DMXL2: variants seen among roughly 807,000 people sequenced by gnomAD.
The protein encoded by DMXL2 is dmX-like protein 2.
A neutral mutation model predicts 331.1 loss-of-function variants in DMXL2; 103 were observed. The observed-to-expected ratio is 0.31, with a 90% CI of 0.27 to 0.37. The LOEUF (loss-of-function observed/expected upper bound fraction) is 0.37. DMXL2 is among the 10% of genes least tolerant of loss of function. The pLI, the probability that DMXL2 is intolerant of heterozygous loss-of-function variation, is 1.00. For synonymous variants in DMXL2, 1,281 were observed against 1,252.1 expected (o/e 1.02, Z -0.49); for missense variants, 3,171 against 3,642.9 (o/e 0.87, Z 3.33).
chr15:51,485,436 T>C (rs1355314155), intron 23 of DMXL2, among the ~76,000 whole-genome samples: 1 of 152,198 alleles, frequency 6.6e-6, no homozygotes, highest in African/African-American at 2.4e-5. Flanking sequence ...GAGGCAGACA[T>C]AACATGTGTG....
At chr15:51,590,874 T>C (rs2052256138) in intron 1 of DMXL2, among the ~76,000 whole-genome samples, 1 of 151,920 alleles carries the variant, frequency 6.6e-6, no homozygotes, top group African/African-American at 2.4e-5. Flanking sequence ...GAGAGAGAAG[T>C]GGACAGTAAG....
At position 51,465,662 on chromosome 15, in the gene DMXL2, A is replaced by C. The variant is rs758647071; in HGVS notation, c.7521-11T>G. The C allele has an allele frequency of 1.9e-6, 3 of 1,550,732 alleles. No homozygotes were observed. The highest frequency in any genetic ancestry group is 2.6e-6 in the Non-Finnish European group (3 of 1,143,926). On this transcript the variant is annotated splice_polypyrimidine_tract_variant and intron_variant, in intron 30 of 43. Coordinates refer to ENST00000560891, the MANE Select transcript of DMXL2 (RefSeq NM_001378457.1). ...TGTAGAAGAGCCCAGCTGTTCAAGG[A>C]GGGGCAAAAAGAGTCTTTAAGTGAA...
chr15:51,487,435 A>G, intron 22 of DMXL2, among the ~76,000 whole-genome samples: 1 of 152,302 alleles, frequency 6.6e-6, no homozygotes, highest in Middle Eastern at 3.4e-3. Context: ...TAGTCTTGAA[A>G]TGCAATGTGC....
At chr15:51,465,780 A>G (rs1383426504) in intron 30 of DMXL2, 129 bp from the exon 31 acceptor site, 2 of 671,774 alleles carry the variant, frequency 3.0e-6, no homozygotes, top group East Asian at 2.9e-5. Context: ...GAAATTTACT[A>G]TGCAAAAATG....
At chr15:51,615,781 G>C (rs2054248371) in intron 1 of DMXL2, among the ~76,000 whole-genome samples, 1 of 152,276 alleles carries the variant, frequency 6.6e-6, no homozygotes, top group Admixed American at 6.5e-5. Flanking sequence ...ATGATATGAA[G>C]AAGTTGCTAG....
intron 18 of DMXL2, among the ~76,000 whole-genome samples, chr15:51,496,826 C>G (rs1006655770): frequency 3.3e-5 from 5 of 152,126 alleles, no homozygotes; most frequent in African/African-American, 1.2e-4. Context: ...CTCACCTGAA[C>G]AAATGGAAGA....
chr15:51,544,325 C>T (rs1023197121), intron 8 of DMXL2, among the ~76,000 whole-genome samples: 11 of 152,070 alleles, frequency 7.2e-5, no homozygotes, highest in African/African-American at 2.2e-4. Context: ...GGCACCTCCC[C>T]GCAACTCTCT....
At chr15:51,610,724 C>T (rs1048929611) in intron 1 of DMXL2, among the ~76,000 whole-genome samples, 1 of 151,012 alleles carries the variant, frequency 6.6e-6, no homozygotes, top group Non-Finnish European at 1.5e-5. Flanking sequence ...GCCGAGATCG[C>T]GCCACTGCAC....
At chr15:51,598,818 T>G (rs1232119200) in intron 1 of DMXL2, among the ~76,000 whole-genome samples, 1 of 152,226 alleles carries the variant, frequency 6.6e-6, no homozygotes, top group Non-Finnish European at 1.5e-5. Context: ...GATAGTATCT[T>G]CCAGGTTTCT....
intron 1 of DMXL2, among the ~76,000 whole-genome samples, chr15:51,616,362 G>T (rs1221303284): frequency 6.6e-6 from 1 of 151,910 alleles, no homozygotes; most frequent in Non-Finnish European, 1.5e-5. Flanking sequence ...GAAAAAAAAA[G>T]AAATTTAAGA....
intron 1 of DMXL2, among the ~76,000 whole-genome samples, chr15:51,591,390 C>T (rs570314963): frequency 1.3e-5 from 2 of 152,144 alleles, no homozygotes; most frequent in Non-Finnish European, 2.9e-5. Context: ...GGGGGAGGGG[C>T]GCCCACCATT....
At chr15:51,488,459 A>G in intron 21 of DMXL2, 89 bp downstream of exon 21, 1 of 1,149,012 alleles carries the variant, frequency 8.7e-7, no homozygotes, top group Non-Finnish European at 1.3e-6. Context: ...TGAAGCTCAT[A>G]TACCTAATTA....
chr15:51,497,234 C>T (rs958772367), intron 18 of DMXL2, among the ~76,000 whole-genome samples: 4 of 152,122 alleles, frequency 2.6e-5, no homozygotes, highest in Non-Finnish European at 5.9e-5. Context: ...TTATTTTAAC[C>T]TGCAGAGAAG....
In DMXL2 at chr15:51,542,367, A is replaced by G. The variant is rs767767036; in HGVS notation, c.1071T>C (p.His357=). ...HISHHANALC[H]FHIAASINPA... ...GGTTGATGCTTGCTGCAATATGAAA[A>G]TGACAGAGTGCATTTGCATGGTGGG... Residue 357 remains histidine, a synonymous_variant, in exon 9 of 44, where the codon CAT becomes CAC. Coordinates refer to ENST00000560891, the MANE Select transcript of DMXL2 (RefSeq NM_001378457.1). 2 of 1,613,762 alleles carry G rather than the reference A, an allele frequency of 1.2e-6. No homozygotes were observed. Among genetic ancestry groups the G allele is most frequent in the South Asian group, 2.2e-5 (2 of 91,034 alleles).
At chr15:51,606,569 T>C (rs2053603309) in intron 1 of DMXL2, among the ~76,000 whole-genome samples, 2 of 152,252 alleles carry the variant, frequency 1.3e-5, no homozygotes, top group Non-Finnish European at 1.5e-5. Context: ...CTTGAATTAA[T>C]GTCTTCCCTA....
intron 6 of DMXL2, among the ~76,000 whole-genome samples, chr15:51,562,317 A>G (rs1369756147): frequency 2.0e-5 from 3 of 152,174 alleles, no homozygotes; most frequent in Non-Finnish European, 4.4e-5. Context: ...AAAATCAAGC[A>G]TAAGAAAAAA....
At chr15:51,459,766 G>A in intron 33 of DMXL2, 106 bp from the exon 34 acceptor site, 1 of 1,195,666 alleles carries the variant, frequency 8.4e-7, no homozygotes, top group Non-Finnish European at 1.1e-6. Context: ...ACTTAAAGAT[G>A]ATAAAAATGA....
chr15:51,465,327 G>A (rs1227617019), intron 31 of DMXL2, among the ~76,000 whole-genome samples: 8 of 152,238 alleles, frequency 5.3e-5, no homozygotes, highest in Admixed American at 3.9e-4. Context: ...CCTACGAGGC[G>A]GAGTTTGCAG....
At chr15:51,539,929 A>G (rs926816482) in intron 9 of DMXL2, among the ~76,000 whole-genome samples, 4 of 152,238 alleles carry the variant, frequency 2.6e-5, no homozygotes, top group Non-Finnish European at 5.9e-5. Flanking sequence ...ACATTCTGGT[A>G]ATGTTCTATT....
Sources: allele counts gnomAD v4.1 joint callset (sites outside exome capture counted in the v4.1 genomes callset), GRCh38; gene constraint gnomAD v4.1.1; transcripts MANE v1.5; gene names NCBI Gene and HGNC (gene_info 2026-07-23, HGNC 2026-07-21).